Variants in ITPR2 observed in about 807,000 individuals in gnomAD.
ITPR2 encodes inositol 1,4,5-trisphosphate-gated calcium channel ITPR2.
A neutral mutation model predicts 317.1 loss-of-function variants in ITPR2; 207 were observed. That is an observed-to-expected ratio of 0.65 (90% CI 0.58 to 0.73). The LOEUF (loss-of-function observed/expected upper bound fraction) is 0.73, where lower values mean the gene tolerates loss of function less well. Among genes scored for constraint, ITPR2 ranks in the 30% least tolerant of loss-of-function variants. The pLI is 0.00. For synonymous variants in ITPR2, 1,156 were observed against 1,149.1 expected (o/e 1.01, Z -0.12); for missense variants, 2,613 against 3,284.0 (o/e 0.80, Z 4.99).
chr12:26,472,590 A>G (rs1942319040), intron 45 of ITPR2, among the ~76,000 whole-genome samples: 1 of 152,096 alleles, frequency 6.6e-6, no homozygotes. Flanking sequence ...AACGCCTTGT[A>G]ACATTTTTTT....
chr12:26,701,102 T>C (rs1477687777), intron 9 of ITPR2, among the ~76,000 whole-genome samples: 4 of 152,138 alleles, frequency 2.6e-5, no homozygotes, highest in Non-Finnish European at 4.4e-5. Flanking sequence ...TTCAATTAAC[T>C]GGCCAAAGAA....
intron 2 of ITPR2, among the ~76,000 whole-genome samples, chr12:26,780,546 C>A (rs1314733979): frequency 1.3e-5 from 2 of 152,212 alleles, no homozygotes; most frequent in African/African-American, 4.8e-5. Flanking sequence ...CCCCATCATC[C>A]TGAAGCAGCT....
intron 9 of ITPR2, among the ~76,000 whole-genome samples, chr12:26,698,698 C>T (rs1271233244): frequency 1.3e-5 from 2 of 152,140 alleles, no homozygotes; most frequent in Non-Finnish European, 2.9e-5. Context: ...GGACTTGAGG[C>T]TGGCCTCTGT....
intron 54 of ITPR2, among the ~76,000 whole-genome samples, chr12:26,389,572 C>A (rs1027854772): frequency 6.6e-6 from 1 of 152,000 alleles, no homozygotes. Context: ...ACTCTTCTCA[C>A]TGACATCTCT....
rs10616680 is a variant in ITPR2, at chr12:26,474,793, CAAAAAAAAAA to C, written c.6342+493_6342+502del. Among the ~76,000 whole-genome samples, 208 of 84,086 alleles carry C rather than the reference CAAAAAAAAAA, an allele frequency of 2.5e-3. 3 individuals are homozygous for C. Among genetic ancestry groups the C allele is most frequent in the South Asian group, 3.7e-3 (8 of 2,186 alleles). 55.2% of individuals were successfully genotyped at this position (84,086 alleles called of 152,430 possible). On this transcript the variant is annotated intron_variant, in intron 45 of 56. Transcript: ENST00000381340. ...TGGGCGACAGAGCGAGACTCCGTCT[CAAAAAAAAAA>C]AAAAAAAAAAAAGAATTTAAAGTTT...
intron 1 of ITPR2, among the ~76,000 whole-genome samples, chr12:26,810,305 T>C (rs1431211081): frequency 6.6e-6 from 1 of 152,226 alleles, no homozygotes; most frequent in East Asian, 1.9e-4. Flanking sequence ...TTTTTTTTCA[T>C]AGTGTCCTAT....
intron 37 of ITPR2, among the ~76,000 whole-genome samples, chr12:26,548,966 T>G (rs558853544): frequency 5.9e-5 from 9 of 152,218 alleles, no homozygotes; most frequent in African/African-American, 2.2e-4. Context: ...TACATAAAAA[T>G]GGAAGACTTG....
intron 11 of ITPR2, 142 bp downstream of exon 11, chr12:26,686,339 A>T: frequency 2.1e-6 from 1 of 484,716 alleles, no homozygotes; most frequent in Non-Finnish European, 3.4e-6. Flanking sequence ...TCCTCACAGA[A>T]GAGATACAAT....
intron 55 of ITPR2, among the ~76,000 whole-genome samples, chr12:26,383,845 G>A (rs1939590803): frequency 6.6e-6 from 1 of 152,016 alleles, no homozygotes; most frequent in African/African-American, 2.4e-5. Flanking sequence ...CATTTTCTAA[G>A]GGTCCCAAGG....
At chr12:26,604,727 A>G (rs1946082916) in intron 26 of ITPR2, among the ~76,000 whole-genome samples, 1 of 151,980 alleles carries the variant, frequency 6.6e-6, no homozygotes, top group Non-Finnish European at 1.5e-5. Flanking sequence ...TCCAACCACC[A>G]CTCCAGGTAA....
intron 10 of ITPR2, among the ~76,000 whole-genome samples, chr12:26,688,970 C>T (rs540482197): frequency 6.6e-6 from 1 of 152,054 alleles, no homozygotes; most frequent in Non-Finnish European, 1.5e-5. Flanking sequence ...TGGAAATTTG[C>T]TAAGAGAGTC....
chr12:26,405,414 T>C (rs959019117), intron 52 of ITPR2, among the ~76,000 whole-genome samples: 1 of 152,208 alleles, frequency 6.6e-6, no homozygotes, highest in Non-Finnish European at 1.5e-5. Flanking sequence ...TCTTGAATTC[T>C]ATGAGGTTAA....
intron 37 of ITPR2, among the ~76,000 whole-genome samples, chr12:26,539,755 T>C (rs1015281049): frequency 1.3e-5 from 2 of 152,226 alleles, no homozygotes; most frequent in Non-Finnish European, 2.9e-5. Context: ...CTCTATGCTG[T>C]GGTTCTCTGC....
chr12:26,505,533 A>T (rs1377826721), intron 37 of ITPR2, among the ~76,000 whole-genome samples: 1 of 152,148 alleles, frequency 6.6e-6, no homozygotes, highest in Non-Finnish European at 1.5e-5. Context: ...CCTCAGAGTC[A>T]TCCTCTCTAA....
At chr12:26,490,425 A>G (rs574853819) in intron 39 of ITPR2, among the ~76,000 whole-genome samples, 1 of 152,232 alleles carries the variant, frequency 6.6e-6, no homozygotes. Flanking sequence ...GTCCAGACAC[A>G]AGGGGTACAA....
At chr12:26,394,848 C>T (rs571203208) in intron 54 of ITPR2, among the ~76,000 whole-genome samples, 2 of 152,148 alleles carry the variant, frequency 1.3e-5, no homozygotes, top group East Asian at 3.9e-4. Flanking sequence ...GGTTCATTAG[C>T]GCATGGTAGC....
At chr12:26,390,406 G>C (rs1175508648) in intron 54 of ITPR2, among the ~76,000 whole-genome samples, 2 of 152,132 alleles carry the variant, frequency 1.3e-5, no homozygotes, top group Non-Finnish European at 2.9e-5. Context: ...CCATATGACA[G>C]GATAATTTTT....
chr12:26,463,769 A>G lies in ITPR2; in HGVS notation c.6342+11527T>C, dbSNP rs74355127. 5.8e-3 allele frequency among the ~76,000 whole-genome samples: 879 copies of G among 152,292 alleles called. 11 individuals carry two copies. Among genetic ancestry groups the G allele is most frequent in the African/African-American group, 0.02 (818 of 41,548 alleles). ...TGTATACTATATCACATTTCAATAAATATTTATACGTAATTAGTCTTTGGT... is the reference window on the plus strand; with the variant it reads ...TGTATACTATATCACATTTCAATAAGTATTTATACGTAATTAGTCTTTGGT... On this transcript the variant is annotated intron_variant, in intron 45 of 56. Coordinates refer to ENST00000381340, the MANE Select transcript of ITPR2 (RefSeq NM_002223.4).
intron 37 of ITPR2, among the ~76,000 whole-genome samples, chr12:26,525,235 C>T (rs1372078192): frequency 6.6e-6 from 1 of 152,154 alleles, no homozygotes; most frequent in African/African-American, 2.4e-5. Context: ...ATATCCCTGC[C>T]AAACTTTCTG....
Sources: gnomAD v4.1 joint callset for allele counts (sites outside exome capture counted in the v4.1 genomes callset) on GRCh38, gnomAD v4.1.1 for gene constraint, MANE v1.5 for transcripts, NCBI Gene and HGNC (gene_info 2026-07-23, HGNC 2026-07-21) for gene names.